Variants in ASIC2 observed in about 807,000 individuals in gnomAD.
ASIC2 encodes the protein acid-sensing ion channel 2.
Under a neutral mutation model 57.3 loss-of-function variants are expected in ASIC2, and 25 were observed. The observed-to-expected ratio is 0.44, with a 90% confidence interval of 0.32 to 0.61. ASIC2 has a LOEUF of 0.61. Ranked by LOEUF, ASIC2 falls within the 20% of genes least tolerant of loss-of-function variation. The pLI is 0.06. For synonymous variants in ASIC2, 319 were observed against 307.5 expected, an observed-to-expected ratio of 1.04 and a Z score of -0.39; for missense variants, 641 against 738.1, an observed-to-expected ratio of 0.87 and a Z score of 1.52.
intron 3 of ASIC2, among the ~76,000 whole-genome samples, chr17:33,061,083 G>A (rs968225194): frequency 2.6e-5 from 4 of 152,124 alleles, no homozygotes; most frequent in East Asian, 1.9e-4. Context: ...GGGTTTTCTA[G>A]ATATACAATC....
At chr17:33,213,847 C>A (rs1907372768) in intron 1 of ASIC2, among the ~76,000 whole-genome samples, 1 of 152,190 alleles carries the variant, frequency 6.6e-6, no homozygotes, top group Non-Finnish European at 1.5e-5. Flanking sequence ...GGTCCAAGCC[C>A]TGGAATACTG....
intron 1 of ASIC2, among the ~76,000 whole-genome samples, chr17:34,077,138 T>A (rs1909697006): frequency 6.6e-6 from 1 of 152,216 alleles, no homozygotes; most frequent in Admixed American, 6.5e-5. Context: ...CAGAGCCTCC[T>A]CTTTCCTCTC....
chr17:33,880,965 T>C (rs926304924), intron 1 of ASIC2, among the ~76,000 whole-genome samples: 6 of 152,072 alleles, frequency 3.9e-5, no homozygotes, highest in Non-Finnish European at 8.8e-5. Context: ...CATATGCAAA[T>C]CAATAAACGT....
chr17:33,547,703 C>T (rs2141974176), intron 1 of ASIC2, among the ~76,000 whole-genome samples: 1 of 152,314 alleles, frequency 6.6e-6, no homozygotes, highest in East Asian at 1.9e-4. Flanking sequence ...CCCCCCCATC[C>T]TAATTAATTG....
rs544753857 is a variant in ASIC2, at chr17:33,958,556, A to G, written c.555+197422T>C. ...CCTCTGAAGCAATGGCCTGAGCTGT[A>G]CCTTGGCTCCTTTTAACCATGGCTG... On this transcript the variant is annotated intron_variant, in intron 1 of 9. Coordinates refer to the ASIC2 transcript ENST00000359872. Among the ~76,000 whole-genome samples, 60 of 152,278 alleles carry G rather than the reference A, an allele frequency of 3.9e-4. 2 individuals carry two copies. Among genetic ancestry groups the G allele is most frequent in the African/African-American group, 1.4e-3 (59 of 41,566 alleles).
chr17:33,981,705 A>G (rs2142004552), intron 1 of ASIC2, among the ~76,000 whole-genome samples: 1 of 151,944 alleles, frequency 6.6e-6, no homozygotes, highest in African/African-American at 2.4e-5. Context: ...GGAGGGGGGG[A>G]AGATTAGCTA....
At chr17:33,933,664 T>A (rs79330924) in intron 1 of ASIC2, among the ~76,000 whole-genome samples, 22,876 of 151,944 alleles carry the variant, frequency 0.15, 2,221 homozygotes, top group East Asian at 0.28. Flanking sequence ...GGGAAGAAAA[T>A]AAAACCAAGA....
At chr17:33,053,800 A>C (rs536603570) in intron 3 of ASIC2, among the ~76,000 whole-genome samples, 1 of 152,202 alleles carries the variant, frequency 6.6e-6, no homozygotes, top group African/African-American at 2.4e-5. Context: ...CCTTTATAAG[A>C]GGAAGCTTTA....
chr17:33,661,202 G>A (rs906916888), intron 1 of ASIC2, among the ~76,000 whole-genome samples: 25 of 152,166 alleles, frequency 1.6e-4, no homozygotes, highest in Non-Finnish European at 2.4e-4. Context: ...CAGCCTCCAA[G>A]AGCAAGCACC....
chr17:33,296,290 C>T (rs1337138277), upstream of ASIC2, among the ~76,000 whole-genome samples: 1 of 152,088 alleles, frequency 6.6e-6, no homozygotes, highest in Non-Finnish European at 1.5e-5. Flanking sequence ...CTTTAAGCCA[C>T]ACAGCTACCA....
At chr17:33,660,791 G>T (rs1186156105) in intron 1 of ASIC2, among the ~76,000 whole-genome samples, 1 of 152,130 alleles carries the variant, frequency 6.6e-6, no homozygotes, top group Non-Finnish European at 1.5e-5. Flanking sequence ...TCGTTAATGC[G>T]GTCCATCATG....
At chr17:33,120,063 A>C (rs1174537796) in intron 1 of ASIC2, among the ~76,000 whole-genome samples, 1 of 152,354 alleles carries the variant, frequency 6.6e-6, no homozygotes, top group Non-Finnish European at 1.5e-5. Flanking sequence ...GAGAGGCTGC[A>C]TACCTAGCCC....
intron 1 of ASIC2, among the ~76,000 whole-genome samples, chr17:33,917,747 G>C (rs1915613827): frequency 6.6e-6 from 1 of 152,110 alleles, no homozygotes; most frequent in South Asian, 2.1e-4. Flanking sequence ...CACCTCCTCT[G>C]TGTCAGACAC....
intron 3 of ASIC2, among the ~76,000 whole-genome samples, chr17:33,039,986 A>G (rs1194172549): frequency 6.6e-6 from 1 of 152,194 alleles, no homozygotes; most frequent in African/African-American, 2.4e-5. Flanking sequence ...TCACTATATC[A>G]TAGTATTTTC....
At chr17:33,730,038 T>C (rs953484077) in intron 1 of ASIC2, among the ~76,000 whole-genome samples, 1 of 152,208 alleles carries the variant, frequency 6.6e-6, no homozygotes, top group African/African-American at 2.4e-5. Context: ...TTTTATTATA[T>C]TAAGGGACAT....
chr17:33,017,312 C>T (rs2091811779), intron 8 of ASIC2, among the ~76,000 whole-genome samples: 2 of 152,186 alleles, frequency 1.3e-5, no homozygotes, highest in South Asian at 4.1e-4. Flanking sequence ...ACAGTCTGGC[C>T]CCCTTCCCCT....
intron 1 of ASIC2, among the ~76,000 whole-genome samples, chr17:33,315,244 C>G (rs1906598019): frequency 6.6e-6 from 1 of 152,104 alleles, no homozygotes; most frequent in African/African-American, 2.4e-5. Flanking sequence ...AAGCATGTAC[C>G]AAAAATGTGC....
At chr17:34,034,887 T>C (rs964993423) in intron 1 of ASIC2, among the ~76,000 whole-genome samples, 1 of 152,206 alleles carries the variant, frequency 6.6e-6, no homozygotes, top group African/African-American at 2.4e-5. Flanking sequence ...GGAAGAACAT[T>C]CCATGCTTAT....
chr17:33,192,661 T>G (rs1906474110), intron 1 of ASIC2, among the ~76,000 whole-genome samples: 2 of 152,158 alleles, frequency 1.3e-5, no homozygotes, highest in African/African-American at 4.8e-5. Flanking sequence ...ACTTCTTTAT[T>G]GTGTAGCAAA....
Sources: allele counts gnomAD v4.1 joint callset (sites outside exome capture counted in the v4.1 genomes callset), GRCh38; gene constraint gnomAD v4.1.1; transcripts MANE v1.5; gene names NCBI Gene and HGNC (gene_info 2026-07-23, HGNC 2026-07-21).